SYNE1: variants seen among roughly 807,000 people sequenced by gnomAD.
SYNE1 encodes spectrin repeat containing nuclear envelope protein 1.
SYNE1 carries 616 observed loss-of-function variants against 1,111.0 expected under a neutral mutation model. That is an observed-to-expected ratio of 0.55 (90% CI 0.52 to 0.59). The LOEUF is 0.59. Among genes scored for constraint, SYNE1 ranks in the 20% least tolerant of loss-of-function variants. The pLI, the probability that SYNE1 is intolerant of heterozygous loss-of-function variation, is 0.00. For missense variants in SYNE1, 10,006 were observed against 10,417.0 expected, an observed-to-expected ratio of 0.96 and a Z score of 1.72; for synonymous variants, 3,855 against 3,825.8, an observed-to-expected ratio of 1.01 and a Z score of -0.28.
At chr6:152,350,436 A>G (rs2096721270) in intron 71 of SYNE1, 101 bp from the exon 72 acceptor site, 2 of 1,538,060 alleles carry the variant, frequency 1.3e-6, no homozygotes, top group Non-Finnish European at 1.8e-6. Flanking sequence ...GGGTAGTTAG[A>G]GCTACTTAGA....
rs2635440 is a variant in SYNE1 at position 152,176,647 on chromosome 6, C to T, written c.23461-87G>A. On this transcript the variant is annotated intron_variant, in intron 129 of 145. Coordinates refer to ENST00000367255, the MANE Select transcript of SYNE1 (RefSeq NM_182961.4). The stretch of plus-strand genomic sequence containing the variant: ...TCTACTAGAAACATGATGATTACTG[C>T]TTTCTACTGCTTGGAAGTAGTTTGA... The T allele has an allele frequency of 0.094, 123,981 of 1,318,308 alleles. 9,707 individuals are homozygous for T. The highest frequency in any genetic ancestry group is 0.3 in the East Asian group (13,027 of 43,304). The allele number at this position is 1,318,308 out of a possible 1,614,324, so 81.7% of individuals were successfully genotyped here.
intron 24 of SYNE1, among the ~76,000 whole-genome samples, chr6:152,454,484 A>G (rs542036033): frequency 1.3e-5 from 2 of 152,294 alleles, no homozygotes; most frequent in African/African-American, 4.8e-5. Flanking sequence ...CCAGAACCCT[A>G]CTATACTAGC....
intron 97 of SYNE1, among the ~76,000 whole-genome samples, chr6:152,279,578 C>A (rs569680325): frequency 9.3e-4 from 141 of 151,762 alleles, no homozygotes; most frequent in Non-Finnish European, 1.7e-3. Context: ...ATAAGCCAGG[C>A]GTGGTGGCAC....
At chr6:152,510,057 A>G in intron 8 of SYNE1, 136 bp downstream of exon 8, 2 of 896,024 alleles carry the variant, frequency 2.2e-6, no homozygotes, top group Middle Eastern at 3.3e-4. Flanking sequence ...AATTCAAGGC[A>G]AGAGTGAAAT....
chr6:152,275,761 G>A (rs1337020347), intron 98 of SYNE1, among the ~76,000 whole-genome samples: 1 of 151,116 alleles, frequency 6.6e-6, no homozygotes, highest in Non-Finnish European at 1.5e-5. Flanking sequence ...CGCGCCTATA[G>A]TCCCAGCTAC....
chr6:152,261,917 C>T lies in SYNE1; in HGVS notation c.18972+115G>A, dbSNP rs144806772. ...AAAATGTAGAGTGAAAAATTGGTGT[C>T]ATGTCTTAGTTTGAAATTGATCATG... On this transcript the variant is annotated intron_variant, in intron 101 of 145. Coordinates refer to ENST00000367255, the MANE Select transcript of SYNE1 (RefSeq NM_182961.4). The T allele has an allele frequency of 2.3e-3, 1,796 of 789,428 alleles. 20 individuals carry two copies. In the African/African-American group the frequency reaches 0.025, roughly 11 times the overall value. 48.9% of individuals were successfully genotyped at this position (789,428 alleles called of 1,614,324 possible). A position where few individuals can be genotyped will look rare whatever the true frequency, so the allele number is the denominator to read the frequency against.
chr6:152,216,913 A>G (rs1026250412), intron 121 of SYNE1, among the ~76,000 whole-genome samples: 18 of 151,724 alleles, frequency 1.2e-4, no homozygotes, highest in African/African-American at 4.4e-4. Flanking sequence ...AAATACAAAA[A>G]TTAGCAGGGC....
intron 63 of SYNE1, chr6:152,363,599 G>T (rs947113801): frequency 3.9e-5 from 8 of 203,626 alleles, no homozygotes; most frequent in Non-Finnish European, 8.3e-5. Flanking sequence ...CCAGGTTTTG[G>T]GTCCTTTTGT....
intron 14 of SYNE1, among the ~76,000 whole-genome samples, chr6:152,475,029 A>G (rs2098827015): frequency 6.6e-6 from 1 of 152,246 alleles, no homozygotes; most frequent in African/African-American, 2.4e-5. Flanking sequence ...GTAGAAATTT[A>G]CTAGTTAAAA....
At chr6:152,194,655 G>A (rs9479255) in intron 127 of SYNE1, among the ~76,000 whole-genome samples, 13,454 of 152,046 alleles carry the variant, frequency 0.088, 719 homozygotes, top group African/African-American at 0.15. Flanking sequence ...GCCCTCTTGA[G>A]GCTATTTTCT....
intron 127 of SYNE1, among the ~76,000 whole-genome samples, chr6:152,194,123 T>C (rs7772542): frequency 0.11 from 16,449 of 152,306 alleles, 1,016 homozygotes; most frequent in East Asian, 0.19. Context: ...ACATGCTTTC[T>C]TATTGCTCAT....
chr6:152,369,108 T>C lies in SYNE1; in HGVS notation c.9671A>G (p.His3224Arg), dbSNP rs1402883785. 2 of 1,613,818 alleles carry C rather than the reference T, an allele frequency of 1.2e-6. No homozygotes were observed. Among genetic ancestry groups the C allele is most frequent in the Admixed American group, 1.7e-5 (1 of 60,026 alleles). ...QKLQSVLEEI[H>R]CYEPQLNRLK... The stretch of plus-strand genomic sequence containing the variant: ...CCTGTTGAGCTGAGGCTCGTAGCAG[T>C]GTATTTCCTCAAGGACAGACTGAAA... The change falls in exon 61 of 146, where the codon CAC becomes CGC. Residue 3224 changes from histidine to arginine, a missense_variant. This residue lies in a region of SYNE1 where 4,955 missense variants were observed against 5,017.2 expected (regional missense o/e 0.99). Transcript: ENST00000367255.
intron 2 of SYNE1, among the ~76,000 whole-genome samples, chr6:152,629,155 G>T (rs1018464408): frequency 6.6e-6 from 1 of 152,060 alleles, no homozygotes; most frequent in East Asian, 1.9e-4. Context: ...AGGCTAGGGT[G>T]GGGTGGGTGA....
intron 116 of SYNE1, 51 bp downstream of exon 116, chr6:152,225,670 A>C (rs752322940): frequency 2.4e-5 from 38 of 1,612,604 alleles, no homozygotes; most frequent in Non-Finnish European, 3.2e-5. Context: ...CAGAGTTTGG[A>C]CAGAGCTGGC....
intron 100 of SYNE1, among the ~76,000 whole-genome samples, chr6:152,262,610 G>A (rs915237571): frequency 1.3e-5 from 2 of 152,162 alleles, no homozygotes; most frequent in Non-Finnish European, 1.5e-5. Context: ...ACAGGACACA[G>A]AGAAATAGTA....
In SYNE1 at chr6:152,326,077, G is replaced by T. The variant is rs1382460053; in HGVS notation, c.15319C>A (p.Gln5107Lys). The change falls in exon 80 of 146, where the codon CAG becomes AAG. Residue 5107 changes from glutamine to lysine, a missense_variant. Transcript: ENST00000367255. The stretch of plus-strand genomic sequence containing the variant: ...TCAATAACCTCTTCCCTTGCTTTCT[G>T]GTAATCGTGCCATTGAGCTGTGCAT... ...QRCTAQWHDY[Q>K]KAREEVIELM... is the part of the protein sequence containing the mutation. The T allele has an allele frequency of 6.2e-7, 1 of 1,613,918 alleles. No homozygotes were observed. Among genetic ancestry groups the T allele is most frequent in the East Asian group, 2.2e-5 (1 of 44,898 alleles).
Position 152,453,697 on chromosome 6 carries a change from C to T in SYNE1, c.2916G>A (p.Gln972=). The T allele has an allele frequency of 5.6e-6, 9 of 1,614,176 alleles. No individual in the cohort carries two copies. The highest frequency in any genetic ancestry group is 7.6e-6 in the Non-Finnish European group (9 of 1,180,042). ...CTTTCAGGAAAGCATTGAGCACCCTCTGATCCAGCTGACTGAAAAACTCCT... is the reference window on the plus strand; with the variant it reads ...CTTTCAGGAAAGCATTGAGCACCCTTTGATCCAGCTGACTGAAAAACTCCT... ...RHTEFFSQLD[Q]RVLNAFLKAC... Residue 972 remains glutamine (Q), a synonymous_variant, in exon 25 of 146, where the codon CAG becomes CAA. Transcript: ENST00000367255.
chr6:152,259,489 A>G (rs970772765), intron 101 of SYNE1, among the ~76,000 whole-genome samples: 6 of 152,170 alleles, frequency 3.9e-5, no homozygotes, highest in African/African-American at 1.4e-4. Flanking sequence ...TACATATGAA[A>G]CTAGTAAGTA....
intron 3 of SYNE1, among the ~76,000 whole-genome samples, chr6:152,616,565 G>A (rs2099650884): frequency 6.6e-6 from 1 of 152,102 alleles, no homozygotes; most frequent in Admixed American, 6.5e-5. Flanking sequence ...GACAGAGTGA[G>A]GCTCTGTCTC....
Sources: gnomAD v4.1 joint callset for allele counts (sites outside exome capture counted in the v4.1 genomes callset) on GRCh38, gnomAD v4.1.1 for gene constraint, gnomAD v4.1.1 regional missense constraint, MANE v1.5 for transcripts, NCBI Gene and HGNC (gene_info 2026-07-23, HGNC 2026-07-21) for gene names.